Variants in CAMK2D observed in about 807,000 individuals in gnomAD.
The protein encoded by CAMK2D is calcium/calmodulin dependent protein kinase II delta.
In CAMK2D, 37 loss-of-function variants were observed where a neutral mutation model predicts 84.0. The observed-to-expected ratio is 0.44, with a 90% CI of 0.34 to 0.58. CAMK2D has a LOEUF of 0.58. CAMK2D is among the 20% of genes least tolerant of loss of function. CAMK2D has a pLI of 0.02. For synonymous variants in CAMK2D, 202 were observed against 212.5 expected, an observed-to-expected ratio of 0.95 and a Z score of 0.43; for missense variants, 448 against 652.5, an observed-to-expected ratio of 0.69 and a Z score of 3.41.
chr4:113,495,299 G>A (rs1418384184), intron 16 of CAMK2D, among the ~76,000 whole-genome samples: 1 of 152,106 alleles, frequency 6.6e-6, no homozygotes, highest in Non-Finnish European at 1.5e-5. Context: ...ATTATCAAAA[G>A]TCCCTCAATA....
At chr4:113,457,186 TA>T in intron 19 of CAMK2D, 148 bp downstream of exon 19, 1 of 1,446,718 alleles carries the variant, frequency 6.9e-7, no homozygotes, top group Non-Finnish European at 9.0e-7. Flanking sequence ...CAGAGAATCA[TA>T]AACCTTTCCC....
intron 6 of CAMK2D, among the ~76,000 whole-genome samples, chr4:113,542,065 CT>C (rs1395568399): frequency 6.6e-6 from 1 of 152,110 alleles, no homozygotes; most frequent in African/African-American, 2.4e-5. Context: ...CATAAGAATC[CT>C]TCTGTATTCC....
At chr4:113,509,501 T>C (rs2098180130) in intron 13 of CAMK2D, 137 bp downstream of exon 13, 2 of 624,412 alleles carry the variant, frequency 3.2e-6, no homozygotes, top group Admixed American at 2.9e-5. Flanking sequence ...ATTAAATCAT[T>C]TCATATTTCA....
At chr4:113,606,393 C>G (rs191038293) in intron 4 of CAMK2D, among the ~76,000 whole-genome samples, 1 of 151,910 alleles carries the variant, frequency 6.6e-6, no homozygotes, top group Non-Finnish European at 1.5e-5. Flanking sequence ...TCGCTTGAAC[C>G]CAGGAGGCGG....
chr4:113,547,537 G>C (rs1417566004), intron 6 of CAMK2D, 107 bp downstream of exon 6: 1 of 582,328 alleles, frequency 1.7e-6, no homozygotes, highest in Non-Finnish European at 3.0e-6. Flanking sequence ...GCTGGAATAA[G>C]TCCACACAAC....
intron 4 of CAMK2D, among the ~76,000 whole-genome samples, chr4:113,593,670 G>A (rs1220898272): frequency 6.6e-6 from 1 of 152,164 alleles, no homozygotes; most frequent in African/African-American, 2.4e-5. Flanking sequence ...TCTTAACAAG[G>A]TCTGCCCTCA....
intron 4 of CAMK2D, among the ~76,000 whole-genome samples, chr4:113,571,600 G>A (rs185023121): frequency 8.5e-5 from 13 of 152,284 alleles, no homozygotes; most frequent in East Asian, 3.9e-4. Context: ...TCGGCTGGGC[G>A]CGGTGGCTCA....
At chr4:113,578,617 AAT>A (rs2154238200) in intron 4 of CAMK2D, among the ~76,000 whole-genome samples, 1 of 152,310 alleles carries the variant, frequency 6.6e-6, no homozygotes, top group South Asian at 2.1e-4. Flanking sequence ...TTACAGTTTA[AAT>A]ATGATATCTT....
At chr4:113,619,457 A>T (rs1332763694) in intron 3 of CAMK2D, among the ~76,000 whole-genome samples, 1 of 152,046 alleles carries the variant, frequency 6.6e-6, no homozygotes, top group Admixed American at 6.6e-5. Flanking sequence ...CCCAAATTCC[A>T]TTCATGGCCT....
At chr4:113,748,533 A>T (rs1333398465) in intron 2 of CAMK2D, among the ~76,000 whole-genome samples, 4 of 152,184 alleles carry the variant, frequency 2.6e-5, no homozygotes, top group Non-Finnish European at 5.9e-5. Flanking sequence ...AGTGCCAGTC[A>T]TCATAGCAAA....
At chr4:113,526,414 A>ATATGTGTGTGTGTGTGTGTGTGTG (rs1553930374) in intron 8 of CAMK2D, among the ~76,000 whole-genome samples, 242 of 149,660 alleles carry the variant, frequency 1.6e-3, no homozygotes, top group African/African-American at 5.5e-3. Flanking sequence ...GTCATTCTTG[A>ATATGTGTGTGTGTGTGTGTGTGTG]TGTGTGTGTG....
chr4:113,730,294 T>G (rs2099562002), intron 2 of CAMK2D, among the ~76,000 whole-genome samples: 2 of 152,250 alleles, frequency 1.3e-5, no homozygotes, highest in Non-Finnish European at 2.9e-5. Flanking sequence ...TTCTGTTCAC[T>G]TCTTGTTTTC....
At chr4:113,500,172 T>C in intron 16 of CAMK2D, among the ~76,000 whole-genome samples, 1 of 152,198 alleles carries the variant, frequency 6.6e-6, no homozygotes, top group East Asian at 1.9e-4. Flanking sequence ...CAATTTGTTA[T>C]GTTCCTATAA....
intron 4 of CAMK2D, among the ~76,000 whole-genome samples, chr4:113,593,303 A>T (rs1483016604): frequency 1.3e-5 from 2 of 152,248 alleles, no homozygotes; most frequent in Non-Finnish European, 2.9e-5. Flanking sequence ...CTGCCATAGA[A>T]GTGAGTTTAC....
At chr4:113,588,784 A>G (rs1416485950) in intron 4 of CAMK2D, among the ~76,000 whole-genome samples, 1 of 152,228 alleles carries the variant, frequency 6.6e-6, no homozygotes, top group Non-Finnish European at 1.5e-5. Flanking sequence ...AGTGATCAAA[A>G]GAGAAAAAAG....
intron 3 of CAMK2D, among the ~76,000 whole-genome samples, chr4:113,644,165 T>TG (rs2099142694): frequency 6.6e-6 from 1 of 152,068 alleles, no homozygotes; most frequent in African/African-American, 2.4e-5. Context: ...TTGAGAAAGA[T>TG]GGGGAAACAG....
intron 3 of CAMK2D, among the ~76,000 whole-genome samples, chr4:113,637,249 T>C (rs1230230517): frequency 6.6e-6 from 1 of 152,190 alleles, no homozygotes; most frequent in African/African-American, 2.4e-5. Flanking sequence ...ATGACAGATA[T>C]TAAAAAAGAT....
chr4:113,609,139 A>T lies in CAMK2D; in HGVS notation c.275+13T>A, dbSNP rs1362848142. 1 of 1,422,300 alleles carries T rather than the reference A, an allele frequency of 7.0e-7. No homozygotes were observed. Among genetic ancestry groups the T allele is most frequent in the African/African-American group, 1.4e-5 (1 of 71,204 alleles). 88.1% of individuals were successfully genotyped at this position (1,422,300 alleles called of 1,614,324 possible). A position where few individuals can be genotyped will look rare whatever the true frequency, so the allele number is the denominator to read the frequency against. On this transcript the variant is annotated intron_variant, in intron 4 of 20. Coordinates refer to ENST00000511664, the MANE Select transcript of CAMK2D (RefSeq NM_001321571.2). ...TAGATTGCAAAAATAATGAATACAG[A>T]GTATATACTTACAAATCAAACACCA...
At chr4:113,521,286 C>A (rs946490061) in intron 8 of CAMK2D, among the ~76,000 whole-genome samples, 1 of 152,118 alleles carries the variant, frequency 6.6e-6, no homozygotes, top group Non-Finnish European at 1.5e-5. Context: ...GTATTTCAAT[C>A]TATTATGTTA....
Sources: allele counts gnomAD v4.1 joint callset (sites outside exome capture counted in the v4.1 genomes callset), GRCh38; gene constraint gnomAD v4.1.1; transcripts MANE v1.5; gene names NCBI Gene and HGNC (gene_info 2026-07-23, HGNC 2026-07-21).